ATP8B1: variants seen among roughly 807,000 people sequenced by gnomAD.
The protein encoded by ATP8B1 is ATPase phospholipid transporting 8B1.
Under a neutral mutation model 149.9 loss-of-function variants are expected in ATP8B1, and 80 were observed. That is an observed-to-expected ratio of 0.53 (90% CI 0.45 to 0.64). The LOEUF (loss-of-function observed/expected upper bound fraction) is 0.64. ATP8B1 is among the 30% of genes least tolerant of loss of function. ATP8B1 has a pLI of 0.00. For synonymous variants in ATP8B1, 536 were observed against 562.8 expected (o/e 0.95, Z 0.67); for missense variants, 1,247 against 1,552.6 (o/e 0.80, Z 3.31).
intron 1 of ATP8B1, among the ~76,000 whole-genome samples, chr18:57,757,867 G>A (rs927658278): frequency 5.9e-5 from 9 of 152,120 alleles, no homozygotes; most frequent in Non-Finnish European, 7.4e-5. Flanking sequence ...TACTGTGTTC[G>A]TAGCTCCCTG....
At chr18:57,760,978 G>C (rs1050169205) in intron 1 of ATP8B1, among the ~76,000 whole-genome samples, 6 of 148,766 alleles carry the variant, frequency 4.0e-5, no homozygotes, top group Non-Finnish European at 7.4e-5. Context: ...AACAGAGCGA[G>C]ACTCTGTCTC....
chr18:57,672,045 G>T (rs576727227), intron 16 of ATP8B1, among the ~76,000 whole-genome samples: 9 of 152,296 alleles, frequency 5.9e-5, no homozygotes, highest in African/African-American at 2.2e-4. Flanking sequence ...AACAAAACTG[G>T]TAAGTCATTA....
At chr18:57,765,539 G>A (rs1274158236) in intron 1 of ATP8B1, among the ~76,000 whole-genome samples, 1 of 151,948 alleles carries the variant, frequency 6.6e-6, no homozygotes, top group Non-Finnish European at 1.5e-5. Flanking sequence ...CATAGTGGCG[G>A]GCACCTGTAG....
chr18:57,797,703 CTTTT>C (rs59261353), intron 1 of ATP8B1, among the ~76,000 whole-genome samples: 3 of 96,286 alleles, frequency 3.1e-5, no homozygotes, highest in South Asian at 3.7e-4. Context: ...TTCTTTCTTT[CTTTT>C]TTTTTTTTTT....
intron 1 of ATP8B1, among the ~76,000 whole-genome samples, chr18:57,736,759 T>C (rs1413915224): frequency 6.6e-6 from 1 of 152,050 alleles, no homozygotes; most frequent in African/African-American, 2.4e-5. Context: ...TTTAAGTCTT[T>C]AATCCATCTT....
intron 1 of ATP8B1, among the ~76,000 whole-genome samples, chr18:57,782,651 A>C (rs536353100): frequency 6.6e-6 from 1 of 152,112 alleles, no homozygotes; most frequent in African/African-American, 2.4e-5. Context: ...ACAGACAAAA[A>C]ATTCTTCAGT....
At chr18:57,650,706 G>A (rs1909555590) in intron 26 of ATP8B1, among the ~76,000 whole-genome samples, 1 of 152,118 alleles carries the variant, frequency 6.6e-6, no homozygotes, top group Admixed American at 6.6e-5. Flanking sequence ...AGCCGGGCAT[G>A]GTGGTGTGCA....
intron 16 of ATP8B1, 69 bp from the exon 17 acceptor site, chr18:57,671,649 G>GCAAGACCCTGTC: frequency 9.0e-7 from 1 of 1,107,698 alleles, no homozygotes; most frequent in Non-Finnish European, 1.4e-6. Flanking sequence ...TTGAGACAGG[G>GCAAGACCCTGTC]TCTTGCTCTG....
chr18:57,731,402 T>C, intron 2 of ATP8B1: 1 of 479,274 alleles, frequency 2.1e-6, no homozygotes, highest in South Asian at 2.1e-5. Context: ...CCTTAATGTA[T>C]TTTCTCTGCA....
intron 1 of ATP8B1, among the ~76,000 whole-genome samples, chr18:57,782,808 T>TC (rs2080369737): frequency 1.9e-5 from 1 of 53,468 alleles, no homozygotes; most frequent in South Asian, 4.0e-4. Flanking sequence ...TGTCTCTTTT[T>TC]TTTTTTTTTT....
intron 1 of ATP8B1, among the ~76,000 whole-genome samples, chr18:57,762,295 C>A (rs919399050): frequency 6.6e-5 from 10 of 151,878 alleles, no homozygotes; most frequent in Non-Finnish European, 1.3e-4. Flanking sequence ...CCCGCCAACA[C>A]GCCTGGCTAA....
At chr18:57,721,416 TG>T (rs2079645461) in intron 2 of ATP8B1, among the ~76,000 whole-genome samples, 1 of 142,558 alleles carries the variant, frequency 7.0e-6, no homozygotes, top group Non-Finnish European at 1.5e-5. Flanking sequence ...ACCAAGCAAA[TG>T]GAAAACAAAA....
chr18:57,764,313 CT>C (rs1480355123), intron 1 of ATP8B1, among the ~76,000 whole-genome samples: 3 of 141,594 alleles, frequency 2.1e-5, no homozygotes, highest in Non-Finnish European at 4.6e-5. Flanking sequence ...TTCCTTCTTT[CT>C]TTCTTTCTTT....
chr18:57,777,793 C>T (rs1277568539), intron 1 of ATP8B1, among the ~76,000 whole-genome samples: 2 of 152,194 alleles, frequency 1.3e-5, no homozygotes, highest in Non-Finnish European at 2.9e-5. Context: ...TGGTTTCGAA[C>T]TTCTGGGCTC....
intron 1 of ATP8B1, among the ~76,000 whole-genome samples, chr18:57,766,911 A>C (rs1402570928): frequency 6.6e-6 from 1 of 152,178 alleles, no homozygotes; most frequent in African/African-American, 2.4e-5. Flanking sequence ...GACCTACAGG[A>C]CATGTAGGAG....
chr18:57,754,719 G>A (rs1279451497), intron 1 of ATP8B1, among the ~76,000 whole-genome samples: 2 of 152,096 alleles, frequency 1.3e-5, no homozygotes, highest in Admixed American at 6.6e-5. Context: ...AGCCCACGCC[G>A]GGGCTCAAAT....
chr18:57,700,811 G>A (rs116917269), intron 6 of ATP8B1, among the ~76,000 whole-genome samples: 17 of 152,068 alleles, frequency 1.1e-4, no homozygotes, highest in Non-Finnish European at 2.4e-4. Flanking sequence ...CCATCTACTC[G>A]GAGGCTGAGG....
intron 2 of ATP8B1, among the ~76,000 whole-genome samples, chr18:57,707,116 C>CTAACA (rs1913440597): frequency 6.6e-6 from 1 of 152,108 alleles, no homozygotes; most frequent in Non-Finnish European, 1.5e-5. Context: ...ACCAGCCTGG[C>CTAACA]CAAGGTGGTG....
At chr18:57,745,514 T>C (rs948677136) in intron 1 of ATP8B1, among the ~76,000 whole-genome samples, 1 of 152,178 alleles carries the variant, frequency 6.6e-6, no homozygotes, top group Admixed American at 6.5e-5. Context: ...TCAGGCGATC[T>C]GCCTGCCTCA....
Sources: gnomAD v4.1 joint callset for allele counts (sites outside exome capture counted in the v4.1 genomes callset) on GRCh38, gnomAD v4.1.1 for gene constraint, MANE v1.5 for transcripts, NCBI Gene and HGNC (gene_info 2026-07-23, HGNC 2026-07-21) for gene names.